POLA1: variants seen among roughly 807,000 people sequenced by gnomAD.
POLA1 encodes DNA polymerase alpha catalytic subunit.
Under a neutral mutation model 124.0 loss-of-function variants are expected in POLA1, and 15 were observed. The observed-to-expected ratio is 0.12, with a 90% confidence interval of 0.08 to 0.19. POLA1 has a LOEUF of 0.19. POLA1 is among the 10% of genes least tolerant of loss of function. The pLI, the probability that POLA1 is intolerant of heterozygous loss-of-function variation, is 1.00. For missense variants in POLA1, 886 were observed against 1,103.4 expected (o/e 0.80, Z 2.79); for synonymous variants, 408 against 389.4 (o/e 1.05, Z -0.56).
In POLA1 at chrX:24,724,374, A is replaced by G. The variant is rs765413720; in HGVS notation, c.1240A>G (p.Ile414Val). ...TACGGGGAAAGAAACAGGAACTCCA[A>G]TTTCAATGAAGGATGTTTATGAGGA... ...LNTGKETGTP[I>V]SMKDVYEEFD... Residue 414 changes from isoleucine (I) to valine (V), a missense_variant, in exon 12 of 37, where the codon ATT (isoleucine) becomes GTT (valine). Coordinates refer to ENST00000379068, the MANE Select transcript of POLA1 (RefSeq NM_001330360.2). 10 of 1,143,006 alleles carry G rather than the reference A, an allele frequency of 8.7e-6. No homozygotes were observed. The highest frequency in any genetic ancestry group is 1.8e-5 in the African/African-American group (1 of 56,340). The allele number at this position is 1,143,006 out of a possible 1,213,427, so 94.2% of individuals were successfully genotyped here.
intron 34 of POLA1, among the ~76,000 whole-genome samples, chrX:24,887,769 A>G (rs11573458): frequency 2.3e-4 from 25 of 110,347 alleles, no homozygotes; most frequent in Non-Finnish European, 3.6e-4. Context: ...TTTAAGAAAA[A>G]AAAATAACAT....
intron 34 of POLA1, among the ~76,000 whole-genome samples, chrX:24,885,313 A>G (rs1276551877): frequency 2.7e-5 from 3 of 111,639 alleles, no homozygotes; most frequent in African/African-American, 6.5e-5. Context: ...AACAAACCCA[A>G]TGAATGATAA....
At chrX:24,981,986 C>T (rs988741571) in intron 36 of POLA1, among the ~76,000 whole-genome samples, 3 of 111,662 alleles carry the variant, frequency 2.7e-5, no homozygotes, top group African/African-American at 9.8e-5. Context: ...GCAATTTTCT[C>T]TTTTCACCCA....
chrX:24,953,790 T>C (rs1198327883), intron 36 of POLA1, among the ~76,000 whole-genome samples: 3 of 112,230 alleles, frequency 2.7e-5, no homozygotes, highest in Non-Finnish European at 3.8e-5. Context: ...TCTCTAGAAA[T>C]TATGTACGGA....
chrX:24,697,108 G>C, intron 1 of POLA1, among the ~76,000 whole-genome samples: 1 of 111,129 alleles, frequency 9.0e-6, no homozygotes, highest in Admixed American at 9.7e-5. Flanking sequence ...TATTGTGATG[G>C]TAATTTCAGG....
At chrX:24,725,313 G>T (rs5944672) in intron 12 of POLA1, among the ~76,000 whole-genome samples, 1 of 103,017 alleles carries the variant, frequency 9.7e-6, no homozygotes, top group African/African-American at 3.5e-5. Flanking sequence ...TCCTGCCTCA[G>T]CCTCCTGAGT....
At chrX:24,744,715 G>T in intron 23 of POLA1, 1 of 266,817 alleles carries the variant, frequency 3.7e-6, no homozygotes, top group South Asian at 3.8e-5. Flanking sequence ...CACTTTGGGA[G>T]GCTGAGGCAG....
chrX:24,879,548 A>T (rs1421126617), intron 34 of POLA1, among the ~76,000 whole-genome samples: 1 of 112,307 alleles, frequency 8.9e-6, no homozygotes, highest in Non-Finnish European at 1.9e-5. Flanking sequence ...GATCTCTAAC[A>T]TCCACAGTAC....
chrX:24,733,767 C>A lies in POLA1; in HGVS notation c.1784C>A (p.Pro595Gln). Residue 595 changes from proline (P) to glutamine (Q), a missense_variant, in exon 17 of 37, where the codon CCA becomes CAA. This residue lies in a region of POLA1 where 337 missense variants were observed against 402.8 expected (regional missense o/e 0.84). Coordinates refer to ENST00000379068, the MANE Select transcript of POLA1 (RefSeq NM_001330360.2). The part of the protein sequence containing the change: ...FQSHFCVVSK[P>Q]KDCIFPYAFK... ...TTCCTTTTTACAGTTGTGTCTAAAC[C>A]AAAGGACTGTATTTTTCCATATGCT... is the stretch of plus-strand genomic sequence containing the variant. The A allele has an allele frequency of 1.8e-6, 2 of 1,132,268 alleles. No homozygotes were observed. Among genetic ancestry groups the A allele is most frequent in the Non-Finnish European group, 2.4e-6 (2 of 833,219 alleles). 93.3% of individuals were successfully genotyped at this position (1,132,268 alleles called of 1,213,427 possible). A position where few individuals can be genotyped will look rare whatever the true frequency, so the allele number is the denominator to read the frequency against.
chrX:24,841,394 A>T (rs1377826452), intron 32 of POLA1, among the ~76,000 whole-genome samples: 1 of 112,391 alleles, frequency 8.9e-6, no homozygotes, highest in East Asian at 2.8e-4. Flanking sequence ...TTAAGAGAAT[A>T]ATAAAAAACA....
chrX:24,765,283 GTTTTTTTTGTTT>G (rs779082824), intron 26 of POLA1, among the ~76,000 whole-genome samples: 59 of 101,818 alleles, frequency 5.8e-4, no homozygotes, highest in East Asian at 2.2e-3. Flanking sequence ...TGTGCGTGGT[GTTTTTTTTGTTT>G]TTTTTTTTGT....
chrX:24,862,451 G>A (rs1311059525), intron 34 of POLA1, among the ~76,000 whole-genome samples: 3 of 111,708 alleles, frequency 2.7e-5, no homozygotes, highest in Non-Finnish European at 5.6e-5. Flanking sequence ...GCAGAATAAG[G>A]TTGCATCATT....
chrX:24,875,146 G>T, intron 34 of POLA1, among the ~76,000 whole-genome samples: 1 of 111,305 alleles, frequency 9.0e-6, no homozygotes, highest in East Asian at 2.8e-4. Flanking sequence ...AAAAGCAGGA[G>T]AAAAGAAAAA....
chrX:24,757,336 A>G (rs928260519), intron 26 of POLA1, among the ~76,000 whole-genome samples: 2 of 110,693 alleles, frequency 1.8e-5, no homozygotes, highest in African/African-American at 6.6e-5. Context: ...CTTAGTACAC[A>G]TTAATAGTTA....
At chrX:24,753,670 A>G (rs1419945392) in intron 26 of POLA1, among the ~76,000 whole-genome samples, 1 of 112,085 alleles carries the variant, frequency 8.9e-6, no homozygotes, top group Non-Finnish European at 1.9e-5. Context: ...GGGGAATTTA[A>G]AACTGACTAT....
chrX:24,736,997 C>T (rs766050937), intron 18 of POLA1, among the ~76,000 whole-genome samples: 18 of 111,674 alleles, frequency 1.6e-4, no homozygotes, highest in Admixed American at 8.5e-4. Context: ...TTGGAAATTA[C>T]GGAAATGAAA....
intron 26 of POLA1, among the ~76,000 whole-genome samples, chrX:24,803,511 G>C (rs2045750847): frequency 9.0e-6 from 1 of 111,053 alleles, no homozygotes; most frequent in Non-Finnish European, 1.9e-5. Flanking sequence ...AACAGGTGTT[G>C]GATGTTATTA....
At chrX:24,965,716 T>C (rs976539543) in intron 36 of POLA1, among the ~76,000 whole-genome samples, 3 of 112,478 alleles carry the variant, frequency 2.7e-5, no homozygotes, top group South Asian at 3.7e-4. Context: ...TGTAGAAATA[T>C]ACAAAGCCTT....
rs764650402 is a variant in POLA1, at chrX:24,798,341, C to G, written c.2965-11557C>G. 3.6e-5 allele frequency among the ~76,000 whole-genome samples: 4 copies of G among 110,412 alleles called. No individual in the cohort carries two copies. The South Asian group carries it at 1.6e-3, about 43-fold the overall frequency. ...AACATGAGTTTGAACTGTGTGAGTCCACCTATACATAAATGTTCTTCCACC... is the reference window on the plus strand; with the variant it reads ...AACATGAGTTTGAACTGTGTGAGTCGACCTATACATAAATGTTCTTCCACC... On this transcript the variant is annotated intron_variant, in intron 26 of 36. Transcript: ENST00000379068.
Sources: allele counts gnomAD v4.1 joint callset (sites outside exome capture counted in the v4.1 genomes callset), GRCh38; gene constraint gnomAD v4.1.1; regional missense constraint gnomAD v4.1.1; transcripts MANE v1.5; gene names NCBI Gene and HGNC (gene_info 2026-07-23, HGNC 2026-07-21).